WDR59: variants seen among roughly 807,000 people sequenced by gnomAD.
The protein encoded by WDR59 is WD repeat domain 59, also known as GATOR2 complex protein WDR59.
In WDR59, 100 loss-of-function variants were observed where a neutral mutation model predicts 131.2. The observed-to-expected ratio is 0.76, with a 90% confidence interval of 0.65 to 0.90. The LOEUF (loss-of-function observed/expected upper bound fraction) is 0.90, where lower values mean the gene tolerates loss of function less well. WDR59 is among the 40% of genes least tolerant of loss of function. The pLI is 0.00. For missense variants in WDR59, 1,203 were observed against 1,262.2 expected, an observed-to-expected ratio of 0.95 and a Z score of 0.71; for synonymous variants, 601 against 466.2, an observed-to-expected ratio of 1.29 and a Z score of -3.72.
chr16:74,948,178 G>A (rs1370565392), intron 6 of WDR59, among the ~76,000 whole-genome samples: 3 of 152,236 alleles, frequency 2.0e-5, no homozygotes, highest in East Asian at 3.8e-4. Flanking sequence ...AGGTGACGAT[G>A]AACACAGGCA....
At position 74,887,027 on chromosome 16, in the gene WDR59, T is replaced by C. The variant is rs79655887; in HGVS notation, c.2420-631A>G. Reference sequence around the variant, plus strand: ...GGACTTTTTGAACAATATTTGCTCATGATATAATGAAAAATAGAACACAAA... The same window carrying C: ...GGACTTTTTGAACAATATTTGCTCACGATATAATGAAAAATAGAACACAAA... On this transcript the variant is annotated intron_variant, in intron 23 of 25. Transcript: ENST00000262144. Among the ~76,000 whole-genome samples the C allele has an allele frequency of 7.7e-3, 1,169 of 152,310 alleles. 21 individuals are homozygous for C. Among genetic ancestry groups the C allele is most frequent in the African/African-American group, 0.026 (1,097 of 41,562 alleles).
At chr16:74,970,112 A>C (rs2033922490) in intron 1 of WDR59, among the ~76,000 whole-genome samples, 1 of 152,088 alleles carries the variant, frequency 6.6e-6, no homozygotes, top group Admixed American at 6.6e-5. Context: ...TTTGGTAGAG[A>C]TAGTGTTTCA....
chr16:74,963,790 C>T (rs1448295652), intron 2 of WDR59, among the ~76,000 whole-genome samples: 2 of 151,890 alleles, frequency 1.3e-5, no homozygotes, highest in Non-Finnish European at 2.9e-5. Flanking sequence ...CTTCAAGAGG[C>T]CAAGGCAGAG....
intron 8 of WDR59, among the ~76,000 whole-genome samples, chr16:74,926,264 G>A (rs983436557): frequency 6.6e-6 from 1 of 151,928 alleles, no homozygotes; most frequent in African/African-American, 2.4e-5. Flanking sequence ...TTTCACCATG[G>A]CCAGGCTGGT....
chr16:74,945,285 G>A, intron 6 of WDR59, among the ~76,000 whole-genome samples: 1 of 151,398 alleles, frequency 6.6e-6, no homozygotes, highest in East Asian at 2.0e-4. Flanking sequence ...GACCATCCTG[G>A]CTAACACAGT....
At chr16:74,919,340 T>C (rs1022595125) in intron 10 of WDR59, among the ~76,000 whole-genome samples, 1 of 151,988 alleles carries the variant, frequency 6.6e-6, no homozygotes, top group Non-Finnish European at 1.5e-5. Flanking sequence ...TTTTAATTTT[T>C]TGTATTTTGA....
At chr16:74,933,907 A>G (rs1168439144) in intron 8 of WDR59, among the ~76,000 whole-genome samples, 1 of 152,226 alleles carries the variant, frequency 6.6e-6, no homozygotes, top group African/African-American at 2.4e-5. Flanking sequence ...AGACCCTTAT[A>G]TAACAACTCT....
chr16:74,949,912 T>C (rs2032895187), intron 4 of WDR59, 114 bp from the exon 5 acceptor site: 2 of 933,090 alleles, frequency 2.1e-6, no homozygotes, highest in Non-Finnish European at 1.7e-6. Flanking sequence ...TTAACGGGCT[T>C]CTTAATGTGG....
rs1241434214 is a variant in WDR59, at chr16:74,981,637, TATATATATATATATATATATA to T, written c.54+3306_54+3326del. ...ACATATATATATATATATATATATA[TATATATATATATATATATATA>T]TATTTTTTTTTTTTTTAGATGGAGT... On this transcript the variant is annotated intron_variant, in intron 1 of 25. Coordinates refer to ENST00000262144, the MANE Select transcript of WDR59 (RefSeq NM_030581.4). 5.0e-3 allele frequency among the ~76,000 whole-genome samples: 157 copies of T among 31,468 alleles called. 5 individuals carry two copies. Among genetic ancestry groups the T allele is most frequent in the East Asian group, 6.3e-3 (14 of 2,234 alleles). The allele number at this position is 31,468 out of a possible 152,430, so 20.6% of individuals were successfully genotyped here.
intron 13 of WDR59, among the ~76,000 whole-genome samples, chr16:74,914,594 AT>A (rs34327012): frequency 0.96 from 131,552 of 137,106 alleles, 63,149 homozygotes; most frequent in East Asian, 0.98. Flanking sequence ...ACAGCAGACT[AT>A]TTTTTTTTTT....
intron 8 of WDR59, among the ~76,000 whole-genome samples, chr16:74,934,038 T>C (rs1237006189): frequency 2.0e-5 from 3 of 152,160 alleles, no homozygotes; most frequent in Non-Finnish European, 2.9e-5. Flanking sequence ...CCCCTCAACT[T>C]ATAAAAGGAA....
At chr16:74,903,748 C>T (rs1965668929) in intron 18 of WDR59, among the ~76,000 whole-genome samples, 199 bp downstream of exon 18, 1 of 152,076 alleles carries the variant, frequency 6.6e-6, no homozygotes, top group African/African-American at 2.4e-5. Flanking sequence ...TAAGAACGGC[C>T]CCCTGACCCA....
chr16:74,911,816 G>A (rs961189771), intron 14 of WDR59, among the ~76,000 whole-genome samples: 8 of 152,208 alleles, frequency 5.3e-5, no homozygotes, highest in Non-Finnish European at 1.2e-4. Context: ...GCTGCTAAAT[G>A]AAATTGGATT....
In WDR59 at chr16:74,938,713, A is replaced by AT. The variant is rs551164250; in HGVS notation, c.535-448dup. 3.2e-3 allele frequency among the ~76,000 whole-genome samples: 489 copies of AT among 151,408 alleles called. 2 individuals are homozygous for AT. Among genetic ancestry groups the AT allele is most frequent in the African/African-American group, 0.011 (446 of 41,278 alleles). On this transcript the variant is annotated intron_variant, in intron 7 of 25. Coordinates refer to ENST00000262144, the MANE Select transcript of WDR59 (RefSeq NM_030581.4). ...CACTAAGCCTGGCTAATTTTTTTGTATTTTTTCTAGAGATGGGGTTTTGCA... is the reference window on the plus strand; with the variant it reads ...CACTAAGCCTGGCTAATTTTTTTGTATTTTTTTCTAGAGATGGGGTTTTGCA...
intron 2 of WDR59, 73 bp downstream of exon 2, chr16:74,965,687 TAAGAATAGCTTCC>T (rs1290446585): frequency 6.6e-7 from 1 of 1,503,868 alleles, no homozygotes; most frequent in African/African-American, 1.4e-5. Flanking sequence ...TCCGTAAATA[TAAGAATAGCTTCC>T]AAGTTCCCAG....
At chr16:74,915,837 C>G in intron 13 of WDR59, 33 bp downstream of exon 13, 1 of 1,613,650 alleles carries the variant, frequency 6.2e-7, no homozygotes, top group Non-Finnish European at 8.5e-7. Context: ...CTGCCATCAG[C>G]AAACATGAGA....
intron 2 of WDR59, among the ~76,000 whole-genome samples, chr16:74,963,666 G>C (rs2033652866): frequency 6.6e-6 from 1 of 152,126 alleles, no homozygotes; most frequent in South Asian, 2.1e-4. Flanking sequence ...TGGGTTGATA[G>C]GTGCAGCAAA....
intron 10 of WDR59, 22 bp from the exon 11 acceptor site, chr16:74,918,030 T>C: frequency 5.6e-6 from 9 of 1,609,740 alleles, no homozygotes; most frequent in Non-Finnish European, 7.6e-6. Flanking sequence ...CAAATAAGAA[T>C]CCTGGAAATT....
At chr16:74,907,398 T>C (rs528215172) in intron 17 of WDR59, among the ~76,000 whole-genome samples, 19 of 152,120 alleles carry the variant, frequency 1.2e-4, no homozygotes, top group Non-Finnish European at 2.4e-4. Context: ...TGATAGTGAG[T>C]GAGTTCTCAT....
Sources: gnomAD v4.1 joint callset for allele counts (sites outside exome capture counted in the v4.1 genomes callset) on GRCh38, gnomAD v4.1.1 for gene constraint, MANE v1.5 for transcripts, NCBI Gene and HGNC (gene_info 2026-07-23, HGNC 2026-07-21) for gene names.